The following RAI2 variants were observed in gnomAD, a reference collection of about 807,000 sequenced individuals.
RAI2 encodes retinoic acid induced 2.
A neutral mutation model predicts 15.3 loss-of-function variants in RAI2; 5 were observed. That is an observed-to-expected ratio of 0.33 (90% confidence interval 0.17 to 0.69). RAI2 has a LOEUF of 0.69. RAI2 is among the 30% of genes least tolerant of loss of function. The pLI, the probability that RAI2 is intolerant of heterozygous loss-of-function variation, is 0.69. For synonymous variants in RAI2, 191 were observed against 184.0 expected (o/e 1.04, Z -0.31); for missense variants, 424 against 424.7 (o/e 1.00, Z 0.01).
intron 1 of RAI2, among the ~76,000 whole-genome samples, chrX:17,828,824 G>A (rs73447828): frequency 5.6e-4 from 62 of 111,488 alleles, no homozygotes; most frequent in African/African-American, 1.9e-3. Context: ...TGTGGCCTGG[G>A]ATTATCACTC....
chrX:17,803,964 CT>C (rs559906135), intron 1 of RAI2, among the ~76,000 whole-genome samples: 50 of 92,327 alleles, frequency 5.4e-4, no homozygotes, highest in Admixed American at 6.9e-4. Flanking sequence ...TTTCTTCTTT[CT>C]TTTTTTTTTT....
chrX:17,839,478 C>T (rs942814098), intron 1 of RAI2, among the ~76,000 whole-genome samples: 1 of 112,400 alleles, frequency 8.9e-6, no homozygotes, highest in African/African-American at 3.2e-5. Flanking sequence ...TGCTGTTAGT[C>T]TTTGCCATGG....
In RAI2 at chrX:17,801,716, T is replaced by C. The variant is rs1038114215; in HGVS notation, c.295A>G (p.Ser99Gly). 1 of 1,211,651 alleles carries C rather than the reference T, an allele frequency of 8.3e-7. No homozygotes were observed. The highest frequency in any genetic ancestry group is 1.1e-6 in the Non-Finnish European group (1 of 895,504). Reference protein sequence around the residue: ...VMPIHMQVEGSSAPELNPNGN... With the variant: ...VMPIHMQVEGGSAPELNPNGN... ...TTCGGATTGAGCTCTGGTGCGGAGC[T>C]TCCCTCCACCTGCATGTGAATGGGC... Residue 99 changes from serine (S) to glycine (G), a missense_variant, in exon 2 of 2, where the codon AGC (serine) becomes GGC (glycine). Transcript: ENST00000451717.
chrX:17,855,731 T>C (rs2067594167), intron 1 of RAI2, among the ~76,000 whole-genome samples: 1 of 112,057 alleles, frequency 8.9e-6, no homozygotes, highest in African/African-American at 3.2e-5. Context: ...GAAATGTTTA[T>C]GTAATTTAAA....
intron 1 of RAI2, among the ~76,000 whole-genome samples, chrX:17,807,254 G>A (rs1333529763): frequency 2.7e-5 from 3 of 111,122 alleles, no homozygotes; most frequent in African/African-American, 9.8e-5. Context: ...GCTCCCAAAG[G>A]ACCCCAACTT....
chrX:17,856,046 G>T lies in RAI2; in HGVS notation c.-25+5052C>A, dbSNP rs1253015579. On this transcript the variant is annotated intron_variant, in intron 1 of 1. Transcript: ENST00000451717. Reference sequence around the variant, plus strand: ...TCCATCATCATAGAAAGTTTTATTAGACAGTGCTGTGCTGGAAGACCAAAA... The same window carrying T: ...TCCATCATCATAGAAAGTTTTATTATACAGTGCTGTGCTGGAAGACCAAAA... 3.6e-5 allele frequency among the ~76,000 whole-genome samples: 4 copies of T among 112,138 alleles called. No homozygotes were observed. In the East Asian group the frequency reaches 1.1e-3, roughly 31 times the overall value.
chrX:17,815,984 G>GCTCCTCCTC (rs746096052), intron 1 of RAI2, among the ~76,000 whole-genome samples: 1 of 108,407 alleles, frequency 9.2e-6, no homozygotes, highest in African/African-American at 3.4e-5. Context: ...GGCTTTGCTA[G>GCTCCTCCTC]CTCCTCCTCC....
intron 1 of RAI2, among the ~76,000 whole-genome samples, chrX:17,808,191 A>G (rs779360333): frequency 2.1e-4 from 23 of 111,328 alleles, no homozygotes; most frequent in Admixed American, 1.2e-3. Context: ...AAGATTGAAT[A>G]CCCCTGGATG....
At chrX:17,818,975 T>C (rs958366575) in intron 1 of RAI2, among the ~76,000 whole-genome samples, 6 of 112,457 alleles carry the variant, frequency 5.3e-5, no homozygotes, top group Admixed American at 9.3e-5. Flanking sequence ...AGACTTGTCC[T>C]GTGGCTATCA....
chrX:17,839,460 CG>C (rs1241937204), intron 1 of RAI2, among the ~76,000 whole-genome samples: 5 of 112,191 alleles, frequency 4.5e-5, no homozygotes, highest in Non-Finnish European at 7.5e-5. Flanking sequence ...GGGATGCTGG[CG>C]CCTCCTTGCT....
At chrX:17,805,789 C>T (rs1183429389) in intron 1 of RAI2, among the ~76,000 whole-genome samples, 2 of 112,486 alleles carry the variant, frequency 1.8e-5, no homozygotes, top group African/African-American at 6.5e-5. Context: ...TAGCCCTGGG[C>T]TTTTCTCTAG....
chrX:17,847,746 A>G (rs1301018269), intron 1 of RAI2, among the ~76,000 whole-genome samples: 1 of 112,545 alleles, frequency 8.9e-6, no homozygotes, highest in African/African-American at 3.2e-5. Context: ...GCAGCAAATA[A>G]GTATCCATAT....
intron 1 of RAI2, among the ~76,000 whole-genome samples, chrX:17,809,384 T>C (rs1417773645): frequency 9.0e-6 from 1 of 110,697 alleles, no homozygotes; most frequent in Non-Finnish European, 1.9e-5. Flanking sequence ...TTGTGAAAAA[T>C]AGGAGAAGTG....
intron 1 of RAI2, among the ~76,000 whole-genome samples, chrX:17,818,817 T>C (rs1208939174): frequency 1.8e-5 from 2 of 112,699 alleles, no homozygotes; most frequent in Non-Finnish European, 3.8e-5. Flanking sequence ...CTCGGAAATG[T>C]TGTCATATCT....
intron 1 of RAI2, among the ~76,000 whole-genome samples, chrX:17,850,594 G>A (rs1156466897): frequency 8.9e-6 from 1 of 112,303 alleles, no homozygotes; most frequent in Non-Finnish European, 1.9e-5. Flanking sequence ...GTAAAGAAGG[G>A]ACTCAGGGAA....
chrX:17,859,340 G>C (rs1009133518), intron 1 of RAI2, among the ~76,000 whole-genome samples: 3 of 111,660 alleles, frequency 2.7e-5, no homozygotes, highest in African/African-American at 9.8e-5. Context: ...AGATTCCCTG[G>C]GAAAAGCACA....
At chrX:17,844,673 T>G (rs2067435925) in intron 1 of RAI2, among the ~76,000 whole-genome samples, 1 of 112,741 alleles carries the variant, frequency 8.9e-6, no homozygotes, top group South Asian at 3.7e-4. Context: ...TTTTTGGTAC[T>G]CATACACAAA....
Position 17,801,570 on chromosome X carries a change from G to A in RAI2, c.441C>T (p.Ser147=), listed in dbSNP as rs1400701280. The change falls in exon 2 of 2, where the codon TCC becomes TCT. Residue 147 remains serine (S), a synonymous_variant. Coordinates refer to ENST00000451717, the MANE Select transcript of RAI2 (RefSeq NM_021785.6). ...PLVLPQEAPC[S]SSTIHNNLFQ... The stretch of plus-strand genomic sequence containing the variant: ...AGAGGTTGTTGTGGATGGTACTGGA[G>A]GAGCATGGGGCCTCCTGCGGCAGGA... The A allele has an allele frequency of 2.5e-6, 3 of 1,206,854 alleles. No homozygotes were observed. The highest frequency in any genetic ancestry group is 3.4e-6 in the Non-Finnish European group (3 of 893,593).
At chrX:17,841,735 G>A (rs767015754) in intron 1 of RAI2, among the ~76,000 whole-genome samples, 3 of 112,555 alleles carry the variant, frequency 2.7e-5, no homozygotes, top group African/African-American at 6.5e-5. Context: ...GGAGTCAGCT[G>A]TGTGAACACA....
Sources: allele counts gnomAD v4.1 joint callset (sites outside exome capture counted in the v4.1 genomes callset), GRCh38; gene constraint gnomAD v4.1.1; transcripts MANE v1.5; gene names NCBI Gene and HGNC (gene_info 2026-07-23, HGNC 2026-07-21).